Variants in MGMT observed in about 807,000 individuals in gnomAD.
MGMT encodes the protein methylated-DNA--protein-cysteine methyltransferase.
Under a neutral mutation model 15.9 loss-of-function variants are expected in MGMT, and 14 were observed. The observed-to-expected ratio is 0.88, with a 90% confidence interval of 0.58 to 1.37. The LOEUF (loss-of-function observed/expected upper bound fraction) is 1.37, where lower values mean the gene tolerates loss of function less well. Among genes scored for constraint, MGMT ranks in the 40% most tolerant of loss-of-function variants. The probability of loss-of-function intolerance (pLI) is 0.00; values close to 1 mark genes in which losing one functional copy is unlikely to be tolerated. For missense variants in MGMT, 282 were observed against 268.1 expected, an observed-to-expected ratio of 1.05 and a Z score of -0.36; for synonymous variants, 130 against 118.2, an observed-to-expected ratio of 1.10 and a Z score of -0.65.
intron 2 of MGMT, among the ~76,000 whole-genome samples, chr10:129,611,743 G>C (rs578248979): frequency 1.4e-4 from 22 of 152,248 alleles, no homozygotes; most frequent in East Asian, 9.7e-4. Context: ...GTGCGCTCTG[G>C]GGGGGCCATA....
intron 1 of MGMT, among the ~76,000 whole-genome samples, chr10:129,506,770 G>A (rs926514994): frequency 6.6e-6 from 1 of 152,086 alleles, no homozygotes; most frequent in African/African-American, 2.4e-5. Context: ...TTTATTCAAC[G>A]TACATAGTAC....
At chr10:129,579,384 C>T (rs977365229) in intron 2 of MGMT, among the ~76,000 whole-genome samples, 2 of 152,190 alleles carry the variant, frequency 1.3e-5, no homozygotes, top group African/African-American at 4.8e-5. Context: ...AGGAGCATGG[C>T]ATGGAGGGTG....
chr10:129,564,867 GAGC>G (rs910238086), intron 2 of MGMT, among the ~76,000 whole-genome samples: 1 of 151,936 alleles, frequency 6.6e-6, no homozygotes, highest in African/African-American at 2.4e-5. Context: ...GGCAGCCACT[GAGC>G]AGAACCGCCC....
At chr10:129,663,958 T>C (rs1288727888) in intron 2 of MGMT, among the ~76,000 whole-genome samples, 5 of 152,218 alleles carry the variant, frequency 3.3e-5, no homozygotes, top group African/African-American at 1.2e-4. Flanking sequence ...CCATATTTTT[T>C]ATGCAGCAAG....
intron 2 of MGMT, among the ~76,000 whole-genome samples, chr10:129,540,394 C>T (rs1846030767): frequency 6.6e-6 from 1 of 152,176 alleles, no homozygotes; most frequent in Non-Finnish European, 1.5e-5. Context: ...GTCCAGAACC[C>T]TCCAGGATGA....
chr10:129,677,377 A>G (rs1847797604), intron 2 of MGMT, among the ~76,000 whole-genome samples: 1 of 152,064 alleles, frequency 6.6e-6, no homozygotes, highest in African/African-American at 2.4e-5. Flanking sequence ...AAGCTTTCCT[A>G]ATTCCCAAGG....
At chr10:129,766,415 C>T (rs990438160) in intron 4 of MGMT, among the ~76,000 whole-genome samples, 2 of 152,212 alleles carry the variant, frequency 1.3e-5, no homozygotes, top group Non-Finnish European at 2.9e-5. Flanking sequence ...TTGAGAGCGT[C>T]ACATACCACC....
rs572931170 is a variant in MGMT at position 129,678,525 on chromosome 10, AG to A, written c.126-29368del. On this transcript the variant is annotated intron_variant, in intron 2 of 4. Transcript: ENST00000651593. ...AGCATGCATCACCTCCAGTTACCTC[AG>A]GCAGCAGGAAAGACTTTTAACCTAC... Among the ~76,000 whole-genome samples, 425 of 152,296 alleles carry A rather than the reference AG, an allele frequency of 2.8e-3. 1 individual carries two copies. The highest frequency in any genetic ancestry group is 6.8e-3 in the Admixed American group (104 of 15,296).
At chr10:129,697,901 C>T (rs1188942211) in intron 2 of MGMT, among the ~76,000 whole-genome samples, 2 of 152,184 alleles carry the variant, frequency 1.3e-5, no homozygotes, top group Non-Finnish European at 2.9e-5. Flanking sequence ...TTCTTACATC[C>T]CAGAGCAGGT....
chr10:129,521,891 A>G (rs1365897457), intron 1 of MGMT, among the ~76,000 whole-genome samples: 2 of 152,208 alleles, frequency 1.3e-5, no homozygotes, highest in Non-Finnish European at 2.9e-5. Flanking sequence ...GCTGCCTGCC[A>G]TGAGAACATC....
At chr10:129,521,126 C>G (rs992383336) in intron 1 of MGMT, among the ~76,000 whole-genome samples, 1 of 152,188 alleles carries the variant, frequency 6.6e-6, no homozygotes, top group African/African-American at 2.4e-5. Context: ...GTTCTGATCT[C>G]AGGTGGGGAT....
Position 129,556,659 on chromosome 10 carries a change from C to G in MGMT, c.125+20282C>G, listed in dbSNP as rs143377545. The stretch of plus-strand genomic sequence containing the variant: ...CATCCCAGACAGTGTTCATAAACAC[C>G]GACGGCAAAGTCAGGACGGGCAGGA... On this transcript the variant is annotated intron_variant, in intron 2 of 4. Coordinates refer to ENST00000651593, the MANE Select transcript of MGMT (RefSeq NM_002412.5). The surrounding 1 kb of genome is among the most constrained non-coding windows in gnomAD (Gnocchi z 4.3). Among the ~76,000 whole-genome samples, 1 of 152,054 alleles carries G rather than the reference C, an allele frequency of 6.6e-6. No individual in the cohort carries two copies. The highest frequency in any genetic ancestry group is 1.5e-5 in the Non-Finnish European group (1 of 68,014).
intron 3 of MGMT, among the ~76,000 whole-genome samples, chr10:129,734,469 G>A (rs12256173): frequency 0.48 from 71,840 of 148,574 alleles, 17,728 homozygotes; most frequent in Middle Eastern, 0.67. Context: ...GGCTGAGACA[G>A]TGGGGTCTTC....
rs959719482 is a variant in MGMT at position 129,583,684 on chromosome 10, C to T, written c.125+47307C>T. 7.9e-5 allele frequency among the ~76,000 whole-genome samples: 12 copies of T among 152,352 alleles called. No individual in the cohort carries two copies. In the East Asian group the frequency reaches 2.1e-3, roughly 27 times the overall value. The stretch of plus-strand genomic sequence containing the variant: ...GTCTCTGTGGCACACATAGCAGGAC[C>T]GTTTACATTTCCTCTGCTCACAGGT... On this transcript the variant is annotated intron_variant, in intron 2 of 4. Coordinates refer to ENST00000651593, the MANE Select transcript of MGMT (RefSeq NM_002412.5).
intron 2 of MGMT, among the ~76,000 whole-genome samples, chr10:129,672,476 G>A (rs905545492): frequency 6.6e-6 from 1 of 152,020 alleles, no homozygotes; most frequent in Non-Finnish European, 1.5e-5. Flanking sequence ...ACCCATTTAC[G>A]CATCGGTACA....
At chr10:129,519,260 G>T (rs1215555974) in intron 1 of MGMT, among the ~76,000 whole-genome samples, 1 of 152,136 alleles carries the variant, frequency 6.6e-6, no homozygotes, top group African/African-American at 2.4e-5. Context: ...GCATTTATTA[G>T]TATTTAATCA....
intron 3 of MGMT, among the ~76,000 whole-genome samples, chr10:129,739,050 A>G (rs187720492): frequency 2.6e-5 from 4 of 152,370 alleles, no homozygotes; most frequent in East Asian, 3.9e-4. Flanking sequence ...CCAAAGACAA[A>G]AACCATATGA....
rs111725729 is a variant in MGMT, at chr10:129,571,806, A to G, written c.125+35429A>G. Among the ~76,000 whole-genome samples, 446 of 152,340 alleles carry G rather than the reference A, an allele frequency of 2.9e-3. 6 individuals are homozygous for G. The highest frequency in any genetic ancestry group is 0.01 in the African/African-American group (422 of 41,574). On this transcript the variant is annotated intron_variant, in intron 2 of 4. Transcript: ENST00000651593. ...ATAATATGAAGAGAAATTGATATCA[A>G]TCATCTAAGTAAGCTATGAATATCT...
chr10:129,762,457 T>C (rs1218507965), intron 4 of MGMT, among the ~76,000 whole-genome samples: 1 of 152,184 alleles, frequency 6.6e-6, no homozygotes, highest in Non-Finnish European at 1.5e-5. Flanking sequence ...GAGCTTGATT[T>C]CTCCAGAATC....
Sources: gnomAD v4.1 joint callset for allele counts (sites outside exome capture counted in the v4.1 genomes callset) on GRCh38, gnomAD v4.1.1 for gene constraint, Gnocchi (gnomAD v3.1) non-coding constraint, MANE v1.5 for transcripts, NCBI Gene and HGNC (gene_info 2026-07-23, HGNC 2026-07-21) for gene names.